The following PRLR variants were observed in gnomAD, a reference collection of about 807,000 sequenced individuals.
PRLR encodes hPRL receptor.
In PRLR, 13 loss-of-function variants were observed where a neutral mutation model predicts 40.2. That is an observed-to-expected ratio of 0.32 (90% CI 0.21 to 0.51). PRLR has a LOEUF of 0.51. Ranked by LOEUF, PRLR falls within the 20% of genes least tolerant of loss-of-function variation. PRLR has a pLI of 0.97. For synonymous variants in PRLR, 269 were observed against 278.7 expected (o/e 0.97, Z 0.35); for missense variants, 656 against 747.3 (o/e 0.88, Z 1.42).
Position 35,065,895 on chromosome 5 carries a change from C to T in PRLR, c.1063G>A (p.Asp355Asn), listed in dbSNP as rs745883103. 6.2e-7 allele frequency: 1 copy of T among 1,614,120 alleles called. No individual in the cohort carries two copies. Among genetic ancestry groups the T allele is most frequent in the Non-Finnish European group, 8.5e-7 (1 of 1,180,026 alleles). ...PDTDSGRGSCDSPSLLSEKCE... is the reference protein window; with the variant it reads ...PDTDSGRGSCNSPSLLSEKCE... ...TTTTCAGACAAAAGGGAAGGGCTGT[C>T]ACAGCTCCCCCGGCCTGAGTCAGTG... The change falls in exon 10 of 10, where the codon GAC becomes AAC. Residue 355 changes from aspartate to asparagine, a missense_variant. Asp to Asn is a conservative substitution (Grantham distance 23, BLOSUM62 1). This residue lies in a region of PRLR where 469 missense variants were observed against 491.5 expected (regional missense o/e 0.95). Coordinates refer to ENST00000618457, the MANE Select transcript of PRLR (RefSeq NM_000949.7).
chr5:35,182,053 C>T (rs759680029), intron 1 of PRLR, among the ~76,000 whole-genome samples: 27 of 152,022 alleles, frequency 1.8e-4, no homozygotes, highest in Non-Finnish European at 4.0e-4. Flanking sequence ...TGTTGGTCCA[C>T]GGTCTCATGA....
chr5:35,049,717 G>T (rs1270513906), intron 8 of PRLR, among the ~76,000 whole-genome samples: 1 of 151,956 alleles, frequency 6.6e-6, no homozygotes. Context: ...CCTTTTGATG[G>T]ATAGCTGTAT....
chr5:35,094,347 T>TAACAACAA (rs1771404532), intron 2 of PRLR, among the ~76,000 whole-genome samples: 1 of 152,246 alleles, frequency 6.6e-6, no homozygotes, highest in Non-Finnish European at 1.5e-5. Flanking sequence ...TCCTTGTTGT[T>TAACAACAA]ACATGTAGTT....
At chr5:35,146,433 G>T (rs1774183520) in intron 1 of PRLR, among the ~76,000 whole-genome samples, 1 of 152,134 alleles carries the variant, frequency 6.6e-6, no homozygotes. Flanking sequence ...TCTCGTAAAG[G>T]CCTTTACATT....
intron 1 of PRLR, among the ~76,000 whole-genome samples, chr5:35,182,429 AAAG>A (rs1775318620): frequency 6.6e-6 from 1 of 152,248 alleles, no homozygotes; most frequent in African/African-American, 2.4e-5. Flanking sequence ...AAGAAGCAAT[AAAG>A]AAGAAGGCAA....
At chr5:35,048,997 C>A in exon 9 of PRLR, 1 of 449,278 alleles carries the variant, frequency 2.2e-6, no homozygotes. Context: ...TGCATAACAA[C>A]CTTTTACTCC....
At chr5:35,100,527 A>G (rs1771814922) in intron 2 of PRLR, among the ~76,000 whole-genome samples, 1 of 152,190 alleles carries the variant, frequency 6.6e-6, no homozygotes, top group Admixed American at 6.5e-5. Context: ...ATTGTGTTAC[A>G]ATTGCATGTA....
chr5:35,080,732 C>T (rs888044336), intron 5 of PRLR, among the ~76,000 whole-genome samples: 1 of 152,058 alleles, frequency 6.6e-6, no homozygotes, highest in East Asian at 1.9e-4. Flanking sequence ...GCCATAAAGA[C>T]ACATGCACAC....
At chr5:35,186,202 G>A (rs973209731) in intron 1 of PRLR, among the ~76,000 whole-genome samples, 26 of 152,092 alleles carry the variant, frequency 1.7e-4, no homozygotes, top group Admixed American at 1.7e-3. Flanking sequence ...ACATTGAAAG[G>A]ACAATATTTG....
At chr5:35,220,586 C>A (rs1472303551) in intron 1 of PRLR, among the ~76,000 whole-genome samples, 2 of 152,068 alleles carry the variant, frequency 1.3e-5, no homozygotes, top group African/African-American at 2.4e-5. Context: ...TATCTGTTTC[C>A]TCTTACTGGA....
At chr5:35,139,000 T>G (rs752842348) in intron 1 of PRLR, among the ~76,000 whole-genome samples, 2 of 151,988 alleles carry the variant, frequency 1.3e-5, no homozygotes, top group Non-Finnish European at 2.9e-5. Context: ...GTACAAAAAA[T>G]AAGGAAAGAA....
intron 1 of PRLR, among the ~76,000 whole-genome samples, chr5:35,223,736 C>G (rs1776478494): frequency 6.6e-6 from 1 of 152,212 alleles, no homozygotes; most frequent in Non-Finnish European, 1.5e-5. Flanking sequence ...TCTTTACATG[C>G]TACCGGTCTT....
At chr5:35,148,170 A>T (rs754202083) in intron 1 of PRLR, among the ~76,000 whole-genome samples, 1 of 152,188 alleles carries the variant, frequency 6.6e-6, no homozygotes. Context: ...CTTTTAAAAA[A>T]ATTGCAGTTA....
chr5:35,225,976 C>T (rs1485761945), intron 1 of PRLR, among the ~76,000 whole-genome samples: 1 of 152,236 alleles, frequency 6.6e-6, no homozygotes, highest in Non-Finnish European at 1.5e-5. Context: ...GCCACCACAC[C>T]TGGCCAAGAC....
chr5:35,120,200 G>A (rs994578968), intron 1 of PRLR, among the ~76,000 whole-genome samples: 2 of 152,078 alleles, frequency 1.3e-5, no homozygotes, highest in Non-Finnish European at 2.9e-5. Context: ...GGTGCTAGCC[G>A]TGGTTGTGTA....
chr5:35,089,124 C>T (rs1347243086), intron 3 of PRLR, among the ~76,000 whole-genome samples: 2 of 152,212 alleles, frequency 1.3e-5, no homozygotes, highest in Non-Finnish European at 2.9e-5. Flanking sequence ...TAACAGCAAC[C>T]TCTTATATCC....
At chr5:35,216,744 A>C (rs1019827553) in intron 1 of PRLR, among the ~76,000 whole-genome samples, 1 of 152,212 alleles carries the variant, frequency 6.6e-6, no homozygotes, top group African/African-American at 2.4e-5. Flanking sequence ...GCTGAGAAGG[A>C]CTTGGTTTTT....
At chr5:35,066,212 A>C in intron 9 of PRLR, 110 bp from the exon 10 acceptor site, 3 of 1,096,928 alleles carry the variant, frequency 2.7e-6, no homozygotes, top group Non-Finnish European at 3.8e-6. Flanking sequence ...GGAAGATCTC[A>C]AACTTCAGAC....
chr5:35,145,885 A>G (rs2111841031), intron 1 of PRLR, among the ~76,000 whole-genome samples: 1 of 152,364 alleles, frequency 6.6e-6, no homozygotes, highest in Admixed American at 6.5e-5. Flanking sequence ...TTTTCAAAAC[A>G]TGGCTAATGC....
Sources: gnomAD v4.1 joint callset for allele counts (sites outside exome capture counted in the v4.1 genomes callset) on GRCh38, gnomAD v4.1.1 for gene constraint, gnomAD v4.1.1 regional missense constraint, MANE v1.5 for transcripts, NCBI Gene and HGNC (gene_info 2026-07-23, HGNC 2026-07-21) for gene names.